Variants in GPC6 observed in about 807,000 individuals in gnomAD.
GPC6 encodes glypican 6, also known as glypican-6.
GPC6 carries 14 observed loss-of-function variants against 55.2 expected under a neutral mutation model. The ratio of observed to expected loss-of-function variants is 0.25; its 90% CI spans 0.17 to 0.40. GPC6 has a LOEUF of 0.40. GPC6 is among the 10% of genes least tolerant of loss of function. The pLI is 1.00. For synonymous variants in GPC6, 278 were observed against 259.6 expected, an observed-to-expected ratio of 1.07 and a Z score of -0.68; for missense variants, 641 against 708.5, an observed-to-expected ratio of 0.90 and a Z score of 1.08.
Position 93,251,084 on chromosome 13 carries a change from G to A in GPC6, c.160+23468G>A, listed in dbSNP as rs528678135. On this transcript the variant is annotated intron_variant, in intron 1 of 8. Transcript: ENST00000377047. ...ACAGTATGGAGGAAACCATCCCCAT[G>A]ATTCAGTTATCTCCCACTGGGTCCC... is the stretch of plus-strand genomic sequence containing the variant. Among the ~76,000 whole-genome samples the A allele has an allele frequency of 5.6e-4, 86 of 152,264 alleles. 1 individual carries two copies. In the South Asian group the frequency reaches 7.7e-3, roughly 14 times the overall value.
In GPC6 at chr13:93,594,403, A is replaced by C. The variant is rs548521574; in HGVS notation, c.319+48982A>C. Among the ~76,000 whole-genome samples the C allele has an allele frequency of 2.3e-4, 35 of 152,208 alleles. No individual in the cohort carries two copies. The South Asian group carries it at 4.6e-3, about 20-fold the overall frequency. ...CCTCATCATTTAGCTCCCACTTATA[A>C]GTGAGTTATACCATTTTATACTTTT... is the stretch of plus-strand genomic sequence containing the variant. On this transcript the variant is annotated intron_variant, in intron 2 of 8. Transcript: ENST00000377047.
intron 4 of GPC6, among the ~76,000 whole-genome samples, chr13:94,041,845 T>A (rs946703151): frequency 1.3e-4 from 19 of 151,908 alleles, no homozygotes; most frequent in African/African-American, 4.3e-4. Context: ...TGTTTCAAAA[T>A]GATTTTCAAC....
chr13:93,987,174 C>T (rs1881069899), intron 3 of GPC6, among the ~76,000 whole-genome samples: 1 of 152,116 alleles, frequency 6.6e-6, no homozygotes, highest in African/African-American at 2.4e-5. Flanking sequence ...TATCTACGAA[C>T]ATATTTCTTT....
At chr13:94,347,995 A>G (rs1255748959) in intron 6 of GPC6, among the ~76,000 whole-genome samples, 2 of 152,224 alleles carry the variant, frequency 1.3e-5, no homozygotes, top group East Asian at 1.9e-4. Context: ...ATCAGGTTCT[A>G]TGCAGCCGTT....
intron 3 of GPC6, among the ~76,000 whole-genome samples, chr13:93,878,448 C>T (rs893662093): frequency 5.3e-5 from 8 of 150,946 alleles, no homozygotes; most frequent in Admixed American, 2.0e-4. Flanking sequence ...ACCATCTTGG[C>T]TCACTACAAC....
intron 2 of GPC6, among the ~76,000 whole-genome samples, chr13:93,780,163 C>T (rs1220535571): frequency 1.3e-5 from 2 of 151,650 alleles, no homozygotes; most frequent in East Asian, 3.9e-4. Flanking sequence ...CAAGACCCGA[C>T]AATTTAAAAA....
chr13:94,403,090 C>T lies in GPC6; in HGVS notation c.1541C>T (p.Thr514Ile), dbSNP rs1881218176. The T allele has an allele frequency of 6.2e-7, 1 of 1,613,652 alleles. No homozygotes were observed. The highest frequency in any genetic ancestry group is 1.3e-5 in the African/African-American group (1 of 74,914). The change falls in exon 9 of 9, where the codon ACC becomes ATC. Residue 514 changes from threonine (T) to isoleucine (I), a missense_variant. Coordinates refer to ENST00000377047, the MANE Select transcript of GPC6 (RefSeq NM_005708.5). The stretch of plus-strand genomic sequence containing the variant: ...TGTCCCACGGAGTTTGAGTTTGTCA[C>T]CACAGAGGCCCCCGCAGTGGATCCC... ...DVCPTEFEFV[T>I]TEAPAVDPDR...
intron 3 of GPC6, among the ~76,000 whole-genome samples, chr13:93,843,204 A>G (rs906243197): frequency 6.6e-5 from 10 of 151,894 alleles, no homozygotes; most frequent in Non-Finnish European, 1.5e-5. Context: ...AGCCTTACCT[A>G]GAAAATAAAA....
chr13:93,820,536 G>A (rs147012769), intron 2 of GPC6, among the ~76,000 whole-genome samples: 2 of 151,594 alleles, frequency 1.3e-5, no homozygotes, highest in Non-Finnish European at 2.9e-5. Context: ...TTTTGTTGCA[G>A]GGCCTTTGAT....
chr13:93,276,493 AGAGT>A lies in GPC6; in HGVS notation c.160+48879_160+48882del, dbSNP rs1359674656. ...GAGAGAGAGAGAGAGAGAGAGAGAG[AGAGT>A]GTGTGTGTGTGTGTGTGTGTGTGTG... On this transcript the variant is annotated intron_variant, in intron 1 of 8. Transcript: ENST00000377047. Among the ~76,000 whole-genome samples, 644 of 92,892 alleles carry A rather than the reference AGAGT, an allele frequency of 6.9e-3. 2 individuals are homozygous for A. The highest frequency in any genetic ancestry group is 0.026 in the African/African-American group (575 of 21,718). 60.9% of individuals were successfully genotyped at this position (92,892 alleles called of 152,430 possible). A position where few individuals can be genotyped will look rare whatever the true frequency, so the allele number is the denominator to read the frequency against.
chr13:93,730,659 G>A (rs887593072), intron 2 of GPC6, among the ~76,000 whole-genome samples: 1 of 152,158 alleles, frequency 6.6e-6, no homozygotes, highest in Non-Finnish European at 1.5e-5. Flanking sequence ...AGTGTCTAAG[G>A]TTTTCATTAG....
intron 2 of GPC6, among the ~76,000 whole-genome samples, chr13:93,643,670 C>T (rs1296608581): frequency 6.6e-6 from 1 of 152,066 alleles, no homozygotes; most frequent in African/African-American, 2.4e-5. Context: ...GAGTTTTCTC[C>T]CATCTCTGGT....
At chr13:93,977,195 C>G (rs9524295) in intron 3 of GPC6, among the ~76,000 whole-genome samples, 35,187 of 151,900 alleles carry the variant, frequency 0.23, 4,642 homozygotes, top group East Asian at 0.39. Flanking sequence ...AAAACTTGCT[C>G]ACTGCTAACT....
chr13:94,041,735 A>T (rs757051910), intron 4 of GPC6, among the ~76,000 whole-genome samples: 6 of 151,866 alleles, frequency 4.0e-5, no homozygotes, highest in African/African-American at 1.2e-4. Flanking sequence ...TAAACTTGAC[A>T]TATAAGCTTT....
At chr13:93,747,051 G>A (rs959501092) in intron 2 of GPC6, among the ~76,000 whole-genome samples, 1 of 152,152 alleles carries the variant, frequency 6.6e-6, no homozygotes, top group African/African-American at 2.4e-5. Flanking sequence ...GGAACAGCTC[G>A]AATTAGACAC....
chr13:93,555,147 A>G (rs947713658), intron 2 of GPC6, among the ~76,000 whole-genome samples: 3 of 152,164 alleles, frequency 2.0e-5, no homozygotes, highest in Admixed American at 1.3e-4. Flanking sequence ...TCCTTTTGAA[A>G]GAATAGTTCT....
At chr13:93,333,943 A>C (rs188506061) in intron 1 of GPC6, among the ~76,000 whole-genome samples, 110 of 152,288 alleles carry the variant, frequency 7.2e-4, no homozygotes, top group African/African-American at 2.6e-3. Context: ...TTTAAAATAT[A>C]AGATCATGTT....
chr13:93,727,278 A>G (rs973992636), intron 2 of GPC6, among the ~76,000 whole-genome samples: 1 of 152,194 alleles, frequency 6.6e-6, no homozygotes, highest in Non-Finnish European at 1.5e-5. Context: ...GACTCTGTTC[A>G]GGAATTGTAG....
intron 4 of GPC6, among the ~76,000 whole-genome samples, chr13:94,091,193 A>G (rs1885468355): frequency 6.6e-6 from 1 of 152,194 alleles, no homozygotes; most frequent in Admixed American, 6.6e-5. Context: ...AGAAAGTAAT[A>G]ATATCATCTA....
Sources: allele counts gnomAD v4.1 joint callset (sites outside exome capture counted in the v4.1 genomes callset), GRCh38; gene constraint gnomAD v4.1.1; transcripts MANE v1.5; gene names NCBI Gene and HGNC (gene_info 2026-07-23, HGNC 2026-07-21).